The following RP1L1 variants were observed in gnomAD, a reference collection of about 807,000 sequenced individuals.
RP1L1 encodes retinitis pigmentosa 1-like 1 protein.
Under a neutral mutation model 15.7 loss-of-function variants are expected in RP1L1, and 27 were observed. The observed-to-expected ratio is 1.72, with a 90% CI of 1.27 to 2.38. The LOEUF (loss-of-function observed/expected upper bound fraction) is 2.38, where lower values mean the gene tolerates loss of function less well. RP1L1 is among the 30% of genes most tolerant of loss of function. RP1L1 has a pLI of 0.00. For synonymous variants in RP1L1, 1,813 were observed against 1,276.7 expected (o/e 1.42, Z -8.96); for missense variants, 4,798 against 3,075.9 (o/e 1.56, Z -13.24).
intron 1 of RP1L1, among the ~76,000 whole-genome samples, chr8:10,642,368 C>T (rs890760267): frequency 3.3e-5 from 5 of 152,112 alleles, no homozygotes; most frequent in African/African-American, 9.7e-5. Context: ...ATTAACCGGA[C>T]GTCATTTTGA....
chr8:10,638,939 G>C (rs966667805), intron 1 of RP1L1, among the ~76,000 whole-genome samples: 1 of 152,088 alleles, frequency 6.6e-6, no homozygotes, highest in African/African-American at 2.4e-5. Flanking sequence ...GAGGCCATGA[G>C]TTCGAGACCA....
chr8:10,616,351 G>A lies in RP1L1; in HGVS notation c.751+95C>T. On this transcript the variant is annotated intron_variant, in intron 3 of 3. Coordinates refer to ENST00000382483, the MANE Select transcript of RP1L1 (RefSeq NM_178857.6). Reference sequence around the variant, plus strand: ...GATACCCAAGATCTGGGGCCAAAGGGAAGTTTCCTGAATTACCTGGAAGGC... The same window carrying A: ...GATACCCAAGATCTGGGGCCAAAGGAAAGTTTCCTGAATTACCTGGAAGGC... The A allele has an allele frequency of 7.2e-6, 11 of 1,525,312 alleles. No individual in the cohort carries two copies. In the South Asian group the frequency reaches 1.2e-4, roughly 17 times the overall value. The allele number at this position is 1,525,312 out of a possible 1,614,324, so 94.5% of individuals were successfully genotyped here.
intron 1 of RP1L1, among the ~76,000 whole-genome samples, chr8:10,626,732 A>C (rs1362982368): frequency 2.0e-5 from 3 of 152,234 alleles, no homozygotes; most frequent in Admixed American, 6.5e-5. Context: ...AAAACCCCAA[A>C]TCTGTGTGTA....
intron 1 of RP1L1, among the ~76,000 whole-genome samples, chr8:10,638,398 G>GA (rs1277295221): frequency 2.0e-5 from 3 of 151,696 alleles, no homozygotes; most frequent in African/African-American, 4.8e-5. Flanking sequence ...TTCATGTGGG[G>GA]AAAAAAAATC....
Position 10,616,589 on chromosome 8 carries a change from T to A in RP1L1, c.610-2A>T. ...CAGCAGGGCCTGCAGCGAGTCCACC[T>A]GAGGGAGGAGCGGGCGGGGTCAGGA... On this transcript the variant is annotated splice_acceptor_variant, in intron 2 of 3. Coordinates refer to ENST00000382483, the MANE Select transcript of RP1L1 (RefSeq NM_178857.6). LOFTEE classifies it high-confidence loss of function. 1 of 1,610,674 alleles carries A rather than the reference T, an allele frequency of 6.2e-7. No individual in the cohort carries two copies. The highest frequency in any genetic ancestry group is 8.5e-7 in the Non-Finnish European group (1 of 1,179,264).
At chr8:10,616,329 A>T (rs1408877212) in intron 3 of RP1L1, 117 bp downstream of exon 3, 6 of 1,322,802 alleles carry the variant, frequency 4.5e-6, no homozygotes, top group Non-Finnish European at 5.4e-6. Flanking sequence ...TGACTGGGAT[A>T]CCCAAGATCT....
intron 1 of RP1L1, among the ~76,000 whole-genome samples, chr8:10,651,794 T>A (rs542343198): frequency 6.6e-6 from 1 of 151,114 alleles, no homozygotes; most frequent in African/African-American, 2.4e-5. Context: ...CTCAGAGCTG[T>A]TGCTCCATGA....
intron 1 of RP1L1, among the ~76,000 whole-genome samples, chr8:10,631,238 C>T (rs146560648): frequency 1.7e-4 from 26 of 151,848 alleles, no homozygotes; most frequent in Non-Finnish European, 2.9e-4. Context: ...CACACACGTA[C>T]ACACATGCAC....
rs764441364 is a variant in RP1L1, at chr8:10,610,333, C to A, written c.3765G>T (p.Gln1255His). 1 of 1,614,194 alleles carries A rather than the reference C, an allele frequency of 6.2e-7. No homozygotes were observed. The highest frequency in any genetic ancestry group is 2.2e-5 in the East Asian group (1 of 44,886). Residue 1255 changes from glutamine (Q) to histidine (H), a missense_variant, in exon 4 of 4, where the codon CAG becomes CAT. Gln to His is a conservative substitution (Grantham distance 24, BLOSUM62 0). Coordinates refer to ENST00000382483, the MANE Select transcript of RP1L1 (RefSeq NM_178857.6). The stretch of plus-strand genomic sequence containing the variant: ...CGTTCAAGAAGGTTGGGAAACAACA[C>A]TGCTGTTGGTTTTCCAGATCCCCTG... Reference protein sequence around the residue: ...ESPGDLENQQQCCFPTFLNAR... With the variant: ...ESPGDLENQQHCCFPTFLNAR...
intron 1 of RP1L1, among the ~76,000 whole-genome samples, chr8:10,634,455 T>C (rs778825456): frequency 2.6e-5 from 4 of 151,966 alleles, no homozygotes; most frequent in Non-Finnish European, 4.4e-5. Flanking sequence ...ATGTGACAAG[T>C]GGGGAAGATC....
At chr8:10,618,883 C>G (rs1274688351) in intron 2 of RP1L1, among the ~76,000 whole-genome samples, 8 of 151,746 alleles carry the variant, frequency 5.3e-5, no homozygotes, top group Admixed American at 4.6e-4. Flanking sequence ...TGTTTGTTTT[C>G]TGAGATGGAG....
At chr8:10,626,521 C>T (rs1318249897) in intron 1 of RP1L1, among the ~76,000 whole-genome samples, 1 of 152,210 alleles carries the variant, frequency 6.6e-6, no homozygotes, top group African/African-American at 2.4e-5. Flanking sequence ...CACAGGTCCA[C>T]ACGGGCTGCA....
chr8:10,620,325 G>T (rs1279763070), intron 2 of RP1L1, among the ~76,000 whole-genome samples: 1 of 152,160 alleles, frequency 6.6e-6, no homozygotes, highest in Non-Finnish European at 1.5e-5. Context: ...ACAACAGTGG[G>T]CTGGGTGCGG....
At chr8:10,620,622 C>T (rs2117220998) in intron 2 of RP1L1, among the ~76,000 whole-genome samples, 1 of 152,204 alleles carries the variant, frequency 6.6e-6, no homozygotes, top group East Asian at 1.9e-4. Context: ...AAAAGGAAGA[C>T]ACAACAGTGG....
intron 1 of RP1L1, among the ~76,000 whole-genome samples, chr8:10,650,527 A>G (rs907424784): frequency 2.0e-5 from 3 of 151,632 alleles, no homozygotes; most frequent in African/African-American, 7.3e-5. Flanking sequence ...GGCTCAGGGA[A>G]GTCATAAGAG....
At chr8:10,639,621 G>A (rs1798379950) in intron 1 of RP1L1, among the ~76,000 whole-genome samples, 1 of 152,156 alleles carries the variant, frequency 6.6e-6, no homozygotes. Context: ...CAGTCCTCTT[G>A]CCTCAGCGTC....
chr8:10,610,993 A>T lies in RP1L1; in HGVS notation c.3105T>A (p.Gly1035=), dbSNP rs1476369492. 1 of 1,612,432 alleles carries T rather than the reference A, an allele frequency of 6.2e-7. No homozygotes were observed. The highest frequency in any genetic ancestry group is 1.1e-5 in the South Asian group (1 of 91,068). ...GGGGGACACCCTCTCCTGATTGGGG[A>T]CCAGTGTCACTACTCCCCAGGAGGG... ...EGALLGSSDT[G]PQSGEGVPQG... is the part of the protein sequence containing the mutation. Residue 1035 remains glycine, a synonymous_variant, in exon 4 of 4, where the codon GGT becomes GGA. Transcript: ENST00000382483.
chr8:10,613,511 C>G (rs1797915465), intron 3 of RP1L1, among the ~76,000 whole-genome samples, 165 bp from the exon 4 acceptor site: 1 of 146,416 alleles, frequency 6.8e-6, no homozygotes, highest in South Asian at 2.1e-4. Flanking sequence ...GGCCTGTAAT[C>G]CAAGCACTTT....
Position 10,611,823 on chromosome 8 carries a change from A to G in RP1L1, c.2275T>C (p.Ser759Pro). 2 of 1,613,682 alleles carry G rather than the reference A, an allele frequency of 1.2e-6. No homozygotes were observed. Among genetic ancestry groups the G allele is most frequent in the Non-Finnish European group, 1.7e-6 (2 of 1,180,016 alleles). ...VSGVSPHNAP[S>P]AGWAGDAGSR... ...CCCGCGTCCCCTGCCCACCCGGCAG[A>G]GGGAGCGTTGTGCGGGGAGACTCCA... is the stretch of plus-strand genomic sequence containing the variant. Residue 759 changes from serine (S) to proline (P), a missense_variant, in exon 4 of 4, where the codon TCT becomes CCT. Physicochemically the swap from Ser to Pro is moderately conservative, Grantham distance 74 (BLOSUM62 -1). Transcript: ENST00000382483.
Sources: allele counts gnomAD v4.1 joint callset (sites outside exome capture counted in the v4.1 genomes callset), GRCh38; gene constraint gnomAD v4.1.1; transcripts MANE v1.5; gene names NCBI Gene and HGNC (gene_info 2026-07-23, HGNC 2026-07-21).